Variants in SSBP2 observed in about 807,000 individuals in gnomAD.
The protein encoded by SSBP2 is single-stranded DNA-binding protein 2.
A neutral mutation model predicts 61.8 loss-of-function variants in SSBP2; 17 were observed. That is an observed-to-expected ratio of 0.28 (90% CI 0.19 to 0.41). SSBP2 has a LOEUF of 0.41. Among genes scored for constraint, SSBP2 ranks in the 10% least tolerant of loss-of-function variants. The pLI is 1.00. For missense variants in SSBP2, 310 were observed against 458.7 expected (o/e 0.68, Z 2.96); for synonymous variants, 139 against 141.3 (o/e 0.98, Z 0.12).
At chr5:81,562,068 C>A (rs891504719) in intron 4 of SSBP2, among the ~76,000 whole-genome samples, 5 of 151,614 alleles carry the variant, frequency 3.3e-5, no homozygotes, top group African/African-American at 1.2e-4. Flanking sequence ...CCACACTTGG[C>A]TAATTTTTTT....
At chr5:81,614,754 C>T (rs1745832011) in intron 4 of SSBP2, among the ~76,000 whole-genome samples, 1 of 152,076 alleles carries the variant, frequency 6.6e-6, no homozygotes, top group African/African-American at 2.4e-5. Flanking sequence ...GTTCTGCAAA[C>T]ATGTTTCCCT....
At chr5:81,615,282 A>G (rs1745898768) in intron 4 of SSBP2, 191 bp downstream of exon 4, 3 of 586,312 alleles carry the variant, frequency 5.1e-6, no homozygotes, top group Non-Finnish European at 9.0e-6. Flanking sequence ...CTTTATCCTA[A>G]GCTTTAACAA....
intron 3 of SSBP2, among the ~76,000 whole-genome samples, chr5:81,630,450 A>G (rs406465): frequency 0.24 from 37,125 of 152,122 alleles, 6,037 homozygotes; most frequent in East Asian, 0.69. Flanking sequence ...CTTCAAAACT[A>G]TTAAGAATCA....
chr5:81,452,617 G>A (rs1255479006), intron 10 of SSBP2, among the ~76,000 whole-genome samples: 1 of 152,192 alleles, frequency 6.6e-6, no homozygotes, highest in Non-Finnish European at 1.5e-5. Context: ...GACAAACTGG[G>A]TGTGGCAGAC....
rs371086781 is a variant in SSBP2 at position 81,473,685 on chromosome 5, G to A, written c.570+15C>T. ...TCCATATCTTTGCTATTGTAAATAT[G>A]CACTGATTATTTACCTGTGGTCCTA... On this transcript the variant is annotated intron_variant, in intron 8 of 16. Coordinates refer to ENST00000320672, the MANE Select transcript of SSBP2 (RefSeq NM_012446.5). 3.7e-6 allele frequency: 6 copies of A among 1,610,062 alleles called. No individual in the cohort carries two copies. The African/African-American group carries it at 8.0e-5, about 22-fold the overall frequency.
intron 10 of SSBP2, among the ~76,000 whole-genome samples, chr5:81,456,350 CTTTT>C (rs34736090): frequency 7.5e-6 from 1 of 133,498 alleles, no homozygotes; most frequent in Non-Finnish European, 1.6e-5. Flanking sequence ...CTATTTCTGC[CTTTT>C]TTTTTTTTTT....
intron 6 of SSBP2, among the ~76,000 whole-genome samples, chr5:81,483,112 C>T (rs970961892): frequency 2.0e-5 from 3 of 152,024 alleles, no homozygotes; most frequent in East Asian, 1.9e-4. Flanking sequence ...TGTATGGGCA[C>T]GGTTTGTGGC....
chr5:81,732,203 T>C (rs956980474), intron 1 of SSBP2, among the ~76,000 whole-genome samples: 1 of 152,182 alleles, frequency 6.6e-6, no homozygotes, highest in African/African-American at 2.4e-5. Flanking sequence ...TCTTCATTTT[T>C]AAAAAATCCT....
intron 4 of SSBP2, among the ~76,000 whole-genome samples, chr5:81,525,098 ATTTC>A (rs1242256899): frequency 6.6e-6 from 1 of 151,918 alleles, no homozygotes; most frequent in Admixed American, 6.6e-5. Context: ...AAGAGAGTTC[ATTTC>A]TTTCTTCTAT....
At chr5:81,533,964 C>G (rs958946379) in intron 4 of SSBP2, among the ~76,000 whole-genome samples, 2 of 152,032 alleles carry the variant, frequency 1.3e-5, no homozygotes, top group African/African-American at 4.8e-5. Context: ...GAAAAAGAAC[C>G]ATTCTGAAAT....
chr5:81,503,893 C>T (rs1767983768), intron 5 of SSBP2, among the ~76,000 whole-genome samples: 1 of 152,072 alleles, frequency 6.6e-6, no homozygotes, highest in Non-Finnish European at 1.5e-5. Context: ...AACAGAAAAA[C>T]AAATATCACA....
intron 4 of SSBP2, among the ~76,000 whole-genome samples, chr5:81,595,822 G>C (rs528167143): frequency 6.6e-6 from 1 of 152,204 alleles, no homozygotes; most frequent in Admixed American, 6.5e-5. Flanking sequence ...CAATAAATTA[G>C]GTATTGATGG....
rs540170997 is a variant in SSBP2, at chr5:81,590,790, C to T, written c.282+24683G>A. Among the ~76,000 whole-genome samples, 9 of 152,254 alleles carry T rather than the reference C, an allele frequency of 5.9e-5. No individual in the cohort carries two copies. In the East Asian group the frequency reaches 7.7e-4, roughly 13 times the overall value. On this transcript the variant is annotated intron_variant, in intron 4 of 16. Coordinates refer to ENST00000320672, the MANE Select transcript of SSBP2 (RefSeq NM_012446.5). ...CCACTAAAGGAAGAGCAAAAAGCCT[C>T]GTAGCTCTAAAGGTAATATAGGTTA... is the stretch of plus-strand genomic sequence containing the variant.
intron 15 of SSBP2, among the ~76,000 whole-genome samples, chr5:81,432,078 A>AT (rs1762325257): frequency 6.6e-6 from 1 of 152,236 alleles, no homozygotes; most frequent in Non-Finnish European, 1.5e-5. Flanking sequence ...TGGATTTTGA[A>AT]TTGCTTTCTC....
chr5:81,436,415 G>C (rs959149787), intron 15 of SSBP2, among the ~76,000 whole-genome samples: 1 of 151,880 alleles, frequency 6.6e-6, no homozygotes, highest in Non-Finnish European at 1.5e-5. Context: ...AAACATGATT[G>C]TTTCTAAATA....
At chr5:81,493,777 T>C (rs1016726993) in intron 5 of SSBP2, among the ~76,000 whole-genome samples, 2 of 150,812 alleles carry the variant, frequency 1.3e-5, no homozygotes, top group Admixed American at 1.3e-4. Flanking sequence ...TAAAATAAAA[T>C]TGTAGAGATG....
At chr5:81,472,901 A>G (rs1230720725) in intron 8 of SSBP2, among the ~76,000 whole-genome samples, 1 of 152,096 alleles carries the variant, frequency 6.6e-6, no homozygotes, top group African/African-American at 2.4e-5. Flanking sequence ...GCGCCCAGCC[A>G]ACTGGGTTTT....
At chr5:81,612,188 A>G (rs1460905967) in intron 4 of SSBP2, among the ~76,000 whole-genome samples, 1 of 152,140 alleles carries the variant, frequency 6.6e-6, no homozygotes, top group Non-Finnish European at 1.5e-5. Context: ...GTTAAAAATA[A>G]ATTTTAGAAT....
intron 3 of SSBP2, among the ~76,000 whole-genome samples, chr5:81,615,891 G>C (rs1745964728): frequency 6.6e-6 from 1 of 152,180 alleles, no homozygotes; most frequent in African/African-American, 2.4e-5. Context: ...ATGAAGAATA[G>C]AAACAGTAAA....
Sources: allele counts gnomAD v4.1 joint callset (sites outside exome capture counted in the v4.1 genomes callset), GRCh38; gene constraint gnomAD v4.1.1; transcripts MANE v1.5; gene names NCBI Gene and HGNC (gene_info 2026-07-23, HGNC 2026-07-21).